The following HECTD4 variants were observed in gnomAD, a reference collection of about 807,000 sequenced individuals.
The protein encoded by HECTD4 is HECT domain E3 ubiquitin protein ligase 4.
Under a neutral mutation model 471.5 loss-of-function variants are expected in HECTD4, and 114 were observed. The ratio of observed to expected loss-of-function variants is 0.24; its 90% CI spans 0.21 to 0.28. The LOEUF (loss-of-function observed/expected upper bound fraction) is 0.28, where lower values mean the gene tolerates loss of function less well. HECTD4 is among the 10% of genes least tolerant of loss of function. The probability of loss-of-function intolerance (pLI) is 1.00; values close to 1 mark genes in which losing one functional copy is unlikely to be tolerated. For missense variants in HECTD4, 3,866 were observed against 5,651.5 expected (o/e 0.68, Z 10.13); for synonymous variants, 2,012 against 2,256.0 (o/e 0.89, Z 3.07).
In HECTD4 at chr12:112,313,147, C is replaced by T; in HGVS notation, c.786G>A (p.Arg262=). 6.5e-7 allele frequency: 1 copy of T among 1,533,840 alleles called. No individual in the cohort carries two copies. The highest frequency in any genetic ancestry group is 8.7e-7 in the Non-Finnish European group (1 of 1,145,716). The change falls in exon 4 of 76, where the codon AGG becomes AGA. Residue 262 remains arginine, a splice_region_variant and synonymous_variant. Coordinates refer to ENST00000682272, the MANE Select transcript of HECTD4 (RefSeq NM_001388303.1). ...GSLPVADVLY[R]LLLLEGGPGS... ...CAGGCCCCCCTTCCAAAAGCAACAG[C>T]CTATATGGGGGAGAAAGAAAATCAC...
intron 54 of HECTD4, 55 bp from the exon 55 acceptor site, chr12:112,200,853 G>A: frequency 6.6e-7 from 1 of 1,508,236 alleles, no homozygotes; most frequent in South Asian, 1.2e-5. Context: ...TTTTCCATGT[G>A]TGCGTGCGTG....
At chr12:112,329,888 G>A (rs950317798) in intron 1 of HECTD4, among the ~76,000 whole-genome samples, 6 of 152,098 alleles carry the variant, frequency 3.9e-5, no homozygotes, top group Non-Finnish European at 8.8e-5. Flanking sequence ...AGGTAGGATC[G>A]ATTGCTTGAG....
chr12:112,318,705 T>C (rs1176012406), intron 2 of HECTD4, among the ~76,000 whole-genome samples: 4 of 152,166 alleles, frequency 2.6e-5, no homozygotes, highest in Non-Finnish European at 5.9e-5. Context: ...AGATATATAC[T>C]GAGAAATCTT....
intron 1 of HECTD4, among the ~76,000 whole-genome samples, chr12:112,321,368 G>A (rs1475536214): frequency 6.6e-6 from 1 of 152,118 alleles, no homozygotes; most frequent in Admixed American, 6.5e-5. Flanking sequence ...AATTTACAAT[G>A]CAAAGAGTTT....
chr12:112,295,840 CACAT>C (rs1241883626), intron 7 of HECTD4, among the ~76,000 whole-genome samples: 2 of 150,980 alleles, frequency 1.3e-5, no homozygotes, highest in Admixed American at 6.6e-5. Flanking sequence ...CACACACACA[CACAT>C]AGTGATGTGG....
chr12:112,302,097 G>A (rs747844577), intron 7 of HECTD4: 27 of 1,371,128 alleles, frequency 2.0e-5, no homozygotes, highest in Middle Eastern at 2.5e-4. Flanking sequence ...TGGACTAGAC[G>A]GCCCAGTCTT....
At chr12:112,314,628 A>G (rs2035441711) in intron 2 of HECTD4, 82 bp from the exon 3 acceptor site, 3 of 816,048 alleles carry the variant, frequency 3.7e-6, no homozygotes, top group Non-Finnish European at 6.0e-6. Context: ...TTAATTAACC[A>G]CATGGAAAAG....
At chr12:112,246,355 C>G (rs1184266710) in intron 29 of HECTD4, among the ~76,000 whole-genome samples, 1 of 151,968 alleles carries the variant, frequency 6.6e-6, no homozygotes. Flanking sequence ...AAAACAAAAA[C>G]GGGCGCAGTG....
chr12:112,204,201 C>T (rs749815280), intron 53 of HECTD4, among the ~76,000 whole-genome samples: 10 of 152,206 alleles, frequency 6.6e-5, no homozygotes, highest in Non-Finnish European at 1.0e-4. Flanking sequence ...CGCCACCAGG[C>T]CCAGCTATTT....
rs777150572 is a variant in HECTD4, at chr12:112,283,276, G to T, written c.1362C>A (p.Asn454Lys). ...TTAGAATTGTACGTTCCTGAAGTGG[G>T]TTGGCTACAAATACACCATTTTCAA... Reference protein sequence around the residue: ...LVVENGVFVANPLQERTILMR... With the variant: ...LVVENGVFVAKPLQERTILMR... The change falls in exon 8 of 76, where the codon AAC becomes AAA. Residue 454 changes from asparagine (N) to lysine (K), a missense_variant. Physicochemically the swap from Asn to Lys is moderately conservative, Grantham distance 94. This residue lies in a region of HECTD4 where 440 missense variants were observed against 636.0 expected (regional missense o/e 0.69). Coordinates refer to ENST00000682272, the MANE Select transcript of HECTD4 (RefSeq NM_001388303.1). 2 of 1,612,578 alleles carry T rather than the reference G, an allele frequency of 1.2e-6. No homozygotes were observed. The highest frequency in any genetic ancestry group is 2.7e-5 in the African/African-American group (2 of 74,854).
At chr12:112,353,374 A>G (rs2036279783) in intron 1 of HECTD4, among the ~76,000 whole-genome samples, 1 of 152,242 alleles carries the variant, frequency 6.6e-6, no homozygotes, top group African/African-American at 2.4e-5. Context: ...AAAAGGCTCT[A>G]AAATTATTAA....
At chr12:112,275,074 T>C (rs2034498723) in intron 9 of HECTD4, 114 bp from the exon 10 acceptor site, 3 of 632,470 alleles carry the variant, frequency 4.7e-6, no homozygotes, top group Non-Finnish European at 8.1e-6. Flanking sequence ...TGTTGTTGTG[T>C]ATTGGTGGTA....
chr12:112,163,293 G>A lies in HECTD4; in HGVS notation c.12898-29C>T, dbSNP rs2030775334. 1.3e-6 allele frequency: 2 copies of A among 1,572,864 alleles called. No individual in the cohort carries two copies. Among genetic ancestry groups the A allele is most frequent in the African/African-American group, 1.3e-5 (1 of 74,418 alleles). Reference sequence around the variant, plus strand: ...GGGAGGAGAGGTCCAGGTGTCAGGAGCCCTGGAGCCCCACCTACCCAGTGC... The same window carrying A: ...GGGAGGAGAGGTCCAGGTGTCAGGAACCCTGGAGCCCCACCTACCCAGTGC... On this transcript the variant is annotated intron_variant, in intron 74 of 75. Transcript: ENST00000682272. The surrounding 1 kb of genome is among the most constrained non-coding windows in gnomAD (Gnocchi z 8.2).
intron 1 of HECTD4, among the ~76,000 whole-genome samples, chr12:112,348,090 G>A (rs948033790): frequency 6.6e-6 from 1 of 152,100 alleles, no homozygotes; most frequent in South Asian, 2.1e-4. Flanking sequence ...TAAAGACCAA[G>A]CATTCTAATT....
At chr12:112,210,317 C>T (rs1394289447) in intron 49 of HECTD4, 65 bp from the exon 50 acceptor site, 1 of 1,520,854 alleles carries the variant, frequency 6.6e-7, no homozygotes, top group Non-Finnish European at 9.1e-7. Flanking sequence ...TGCAAGAGCC[C>T]AAGGCGCAGC....
At chr12:112,219,302 C>T (rs2033022221) in intron 45 of HECTD4, 84 bp downstream of exon 45, 2 of 971,586 alleles carry the variant, frequency 2.1e-6, no homozygotes, top group African/African-American at 1.6e-5. Flanking sequence ...AACACTTATT[C>T]TAAATGTCCT....
chr12:112,240,863 A>C (rs2033626129), intron 32 of HECTD4, among the ~76,000 whole-genome samples: 1 of 152,252 alleles, frequency 6.6e-6, no homozygotes, highest in Admixed American at 6.5e-5. Flanking sequence ...GATATAAAAT[A>C]AAACTTTCCC....
intron 48 of HECTD4, among the ~76,000 whole-genome samples, chr12:112,215,705 T>C (rs1029842098): frequency 2.6e-5 from 4 of 152,170 alleles, no homozygotes; most frequent in African/African-American, 9.7e-5. Flanking sequence ...AGTGGTATGA[T>C]CACAACTCAC....
At position 112,184,100 on chromosome 12, in the gene HECTD4, T is replaced by C; in HGVS notation, c.10779+87A>G. On this transcript the variant is annotated intron_variant, in intron 61 of 75. Coordinates refer to ENST00000682272, the MANE Select transcript of HECTD4 (RefSeq NM_001388303.1). This position sits in a 1 kb window ranked among gnomAD's most constrained non-coding sequence, Gnocchi z 9.1. Reference sequence around the variant, plus strand: ...CCCCAACCGCTCCACCATTACCTACTAGGAAATAACTTTGGAAGATTTAAA... The same window carrying C: ...CCCCAACCGCTCCACCATTACCTACCAGGAAATAACTTTGGAAGATTTAAA... The C allele has an allele frequency of 1.5e-6, 2 of 1,316,788 alleles. No individual in the cohort carries two copies. The highest frequency in any genetic ancestry group is 1.4e-5 in the South Asian group (1 of 72,070). 81.6% of individuals were successfully genotyped at this position (1,316,788 alleles called of 1,614,324 possible).
Sources: gnomAD v4.1 joint callset for allele counts (sites outside exome capture counted in the v4.1 genomes callset) on GRCh38, gnomAD v4.1.1 for gene constraint, gnomAD v4.1.1 regional missense constraint, Gnocchi (gnomAD v3.1) non-coding constraint, MANE v1.5 for transcripts, NCBI Gene and HGNC (gene_info 2026-07-23, HGNC 2026-07-21) for gene names.